The following SLC10A6 variants were observed in gnomAD, a reference collection of about 807,000 sequenced individuals.
SLC10A6 encodes sodium-dependent organic anion transporter.
SLC10A6 carries 27 observed loss-of-function variants against 30.0 expected under a neutral mutation model. The ratio of observed to expected loss-of-function variants is 0.90; its 90% confidence interval spans 0.66 to 1.24. The LOEUF is 1.24. Among genes scored for constraint, SLC10A6 ranks in the 50% most tolerant of loss-of-function variants. The pLI is 0.00. For synonymous variants in SLC10A6, 166 were observed against 173.8 expected (o/e 0.95, Z 0.36); for missense variants, 439 against 457.0 (o/e 0.96, Z 0.36).
chr4:86,828,690 A>G (rs953093075), intron 3 of SLC10A6, among the ~76,000 whole-genome samples: 3 of 152,116 alleles, frequency 2.0e-5, no homozygotes, highest in Non-Finnish European at 1.5e-5. Flanking sequence ...TTCATTGGAC[A>G]ATCTGAGCTA....
chr4:86,834,498 A>T (rs116173987), intron 1 of SLC10A6, among the ~76,000 whole-genome samples: 1,954 of 152,296 alleles, frequency 0.013, 18 homozygotes, highest in Non-Finnish European at 0.02. Flanking sequence ...AGTATATCAC[A>T]TTGATTTTTC....
chr4:86,836,797 G>A (rs772615264), intron 1 of SLC10A6, among the ~76,000 whole-genome samples: 2 of 151,944 alleles, frequency 1.3e-5, no homozygotes, highest in African/African-American at 2.4e-5. Context: ...CCACTCTGTC[G>A]CCCAGGCTGG....
chr4:86,837,380 A>C (rs561926506), intron 1 of SLC10A6, among the ~76,000 whole-genome samples: 28 of 150,848 alleles, frequency 1.9e-4, no homozygotes, highest in Middle Eastern at 3.2e-3. Flanking sequence ...GAAGCAAGTA[A>C]GCAAAACATC....
chr4:86,846,691 A>G (rs1159052922), intron 1 of SLC10A6, among the ~76,000 whole-genome samples: 3 of 152,112 alleles, frequency 2.0e-5, no homozygotes, highest in Non-Finnish European at 2.9e-5. Flanking sequence ...GCACCATTGC[A>G]CTCCAGCCTG....
At position 86,849,083 on chromosome 4, in the gene SLC10A6, G is replaced by T. The variant is rs144976549; in HGVS notation, c.33C>A (p.Cys11Ter). ...GCTCCTCCTCTGAACTGTTGGCAGGGCAGGCTGAGCTGCTGGAACAATTGG... is the reference window on the plus strand; with the variant it reads ...GCTCCTCCTCTGAACTGTTGGCAGGTCAGGCTGAGCTGCTGGAACAATTGG... MRANCSSSSACPANSSEEELP... is the reference protein window; with the variant it reads MRANCSSSSA The change falls in exon 1 of 6, where the codon TGC becomes TGA. Residue 11 changes from cysteine to a stop codon, truncating the protein, a stop_gained. Coordinates refer to ENST00000273905, the MANE Select transcript of SLC10A6 (RefSeq NM_197965.3). LOFTEE classifies it high-confidence loss of function. 1.2e-4 allele frequency: 188 copies of T among 1,613,902 alleles called. No individual in the cohort carries two copies. In the African/African-American group the frequency reaches 2.4e-3, roughly 20 times the overall value.
intron 1 of SLC10A6, among the ~76,000 whole-genome samples, chr4:86,836,460 T>A (rs1165489097): frequency 2.6e-5 from 4 of 152,156 alleles, no homozygotes; most frequent in Non-Finnish European, 5.9e-5. Context: ...CATGAATGAA[T>A]TAATGCTATT....
intron 1 of SLC10A6, among the ~76,000 whole-genome samples, chr4:86,843,085 G>A (rs570391932): frequency 6.6e-6 from 1 of 152,042 alleles, no homozygotes. Flanking sequence ...TGGCCAGGCT[G>A]GTCTCGAACT....
chr4:86,830,012 G>C (rs1266637225), intron 3 of SLC10A6, among the ~76,000 whole-genome samples: 1 of 152,186 alleles, frequency 6.6e-6, no homozygotes, highest in Non-Finnish European at 1.5e-5. Context: ...AAAGCAAGAA[G>C]TTTCCATGAT....
rs34533020 is a variant in SLC10A6 at position 86,837,281 on chromosome 4, A to AAGAAAGAAAGAAAGAAAGAAAGAG, written c.378-3858_378-3857insCTCTTTCTTTCTTTCTTTCTTTCT. Among the ~76,000 whole-genome samples the AAGAAAGAAAGAAAGAAAGAAAGAG allele has an allele frequency of 5.4e-4, 49 of 90,336 alleles. 2 individuals carry two copies. The highest frequency in any genetic ancestry group is 1.5e-3 in the African/African-American group (29 of 19,742). The allele number at this position is 90,336 out of a possible 152,430, so 59.3% of individuals were successfully genotyped here. On this transcript the variant is annotated intron_variant, in intron 1 of 5. Coordinates refer to ENST00000273905, the MANE Select transcript of SLC10A6 (RefSeq NM_197965.3). ...AAAGAAAGAAAGAAAGAAAGAAAGA[A>AAGAAAGAAAGAAAGAAAGAAAGAG]AGAAAAAGAAAGGAAGGAAGGAAGG... is the stretch of plus-strand genomic sequence containing the variant.
rs1027930164 is a variant in SLC10A6, at chr4:86,847,331, T to C, written c.377+1408A>G. On this transcript the variant is annotated intron_variant, in intron 1 of 5. Transcript: ENST00000273905. ...CACTTAATAAATATTAGTTTCCTTTTTCTTTCCAAAAACTTTTAGGTCCTG... is the reference window on the plus strand; with the variant it reads ...CACTTAATAAATATTAGTTTCCTTTCTCTTTCCAAAAACTTTTAGGTCCTG... Among the ~76,000 whole-genome samples, 11 of 152,358 alleles carry C rather than the reference T, an allele frequency of 7.2e-5. No individual in the cohort carries two copies. The East Asian group carries it at 2.1e-3, about 29-fold the overall frequency.
At chr4:86,847,953 CT>C (rs372045636) in intron 1 of SLC10A6, among the ~76,000 whole-genome samples, 41 of 152,236 alleles carry the variant, frequency 2.7e-4, no homozygotes, top group African/African-American at 9.4e-4. Flanking sequence ...CTCAAATGCT[CT>C]TTTTTTCCCC....
At chr4:86,833,482 C>T in intron 1 of SLC10A6, 58 bp from the exon 2 acceptor site, 1 of 1,377,486 alleles carries the variant, frequency 7.3e-7, no homozygotes, top group Non-Finnish European at 1.0e-6. Flanking sequence ...AGAATTTAGT[C>T]TTTACCAAAA....
At position 86,849,105 on chromosome 4, in the gene SLC10A6, T is replaced by C. The variant is rs759744442; in HGVS notation, c.11A>G (p.Asn4Ser). 2.8e-5 allele frequency: 45 copies of C among 1,612,858 alleles called. 1 individual carries two copies. The South Asian group carries it at 4.8e-4, about 17-fold the overall frequency. ...AGGGCAGGCTGAGCTGCTGGAACAATTGGCTCTCATCTCCTCATCTCCTTA... is the reference window on the plus strand; with the variant it reads ...AGGGCAGGCTGAGCTGCTGGAACAACTGGCTCTCATCTCCTCATCTCCTTA... MRA[N>S]CSSSSACPAN... The change falls in exon 1 of 6, where the codon AAT (asparagine) becomes AGT (serine). Residue 4 changes from asparagine to serine, a missense_variant. Transcript: ENST00000273905.
At chr4:86,838,475 C>T (rs1746236118) in intron 1 of SLC10A6, among the ~76,000 whole-genome samples, 1 of 152,226 alleles carries the variant, frequency 6.6e-6, no homozygotes, top group South Asian at 2.1e-4. Flanking sequence ...AATGTCAACA[C>T]ACTGGTGCTA....
chr4:86,841,635 C>G (rs1311491998), intron 1 of SLC10A6, among the ~76,000 whole-genome samples: 1 of 152,180 alleles, frequency 6.6e-6, no homozygotes, highest in Non-Finnish European at 1.5e-5. Context: ...GTCTTGAACC[C>G]TCCCTTAAAG....
At chr4:86,842,862 C>CTT (rs1163983622) in intron 1 of SLC10A6, among the ~76,000 whole-genome samples, 1 of 39,112 alleles carries the variant, frequency 2.6e-5, no homozygotes, top group East Asian at 4.8e-4. Flanking sequence ...TTCTTTCTTT[C>CTT]TTTCTTTCTT....
intron 4 of SLC10A6, among the ~76,000 whole-genome samples, chr4:86,826,153 G>A (rs560577732): frequency 2.6e-5 from 4 of 152,258 alleles, no homozygotes; most frequent in Non-Finnish European, 4.4e-5. Context: ...AGGCAGAAGC[G>A]GGAAGATTGC....
intron 1 of SLC10A6, among the ~76,000 whole-genome samples, chr4:86,838,734 C>T (rs1240663637): frequency 6.6e-6 from 1 of 151,522 alleles, no homozygotes; most frequent in African/African-American, 2.4e-5. Context: ...ACCAGCTTGG[C>T]CAACATGGTG....
chr4:86,846,102 C>T (rs539789042), intron 1 of SLC10A6, among the ~76,000 whole-genome samples: 1 of 152,256 alleles, frequency 6.6e-6, no homozygotes, highest in Admixed American at 6.5e-5. Flanking sequence ...CTATCAATGA[C>T]GATCCACTGA....
Sources: allele counts gnomAD v4.1 joint callset (sites outside exome capture counted in the v4.1 genomes callset), GRCh38; gene constraint gnomAD v4.1.1; transcripts MANE v1.5; gene names NCBI Gene and HGNC (gene_info 2026-07-23, HGNC 2026-07-21).